The following NEGR1 variants were observed in gnomAD, a reference collection of about 807,000 sequenced individuals.
NEGR1 encodes IgLON family member 4.
In NEGR1, 10 loss-of-function variants were observed where a neutral mutation model predicts 40.9. The ratio of observed to expected loss-of-function variants is 0.24; its 90% CI spans 0.15 to 0.42. The LOEUF (loss-of-function observed/expected upper bound fraction) is 0.42, where lower values mean the gene tolerates loss of function less well. Ranked by LOEUF, NEGR1 falls within the 10% of genes least tolerant of loss-of-function variation. NEGR1 has a pLI of 1.00. For missense variants in NEGR1, 352 were observed against 438.9 expected (o/e 0.80, Z 1.77); for synonymous variants, 185 against 166.8 (o/e 1.11, Z -0.84).
intron 4 of NEGR1, among the ~76,000 whole-genome samples, chr1:71,629,984 T>C (rs1650919987): frequency 6.6e-6 from 1 of 151,950 alleles, no homozygotes; most frequent in African/African-American, 2.4e-5. Flanking sequence ...AATGAATAAA[T>C]TGTAATGAAA....
chr1:71,632,201 T>C (rs1650990956), intron 4 of NEGR1, among the ~76,000 whole-genome samples: 2 of 151,694 alleles, frequency 1.3e-5, no homozygotes. Flanking sequence ...TCCATATCAG[T>C]ATAATCTCTT....
At chr1:71,739,322 T>A (rs1655140083) in intron 3 of NEGR1, among the ~76,000 whole-genome samples, 1 of 152,062 alleles carries the variant, frequency 6.6e-6, no homozygotes, top group Admixed American at 6.6e-5. Context: ...TCCAGGTTCT[T>A]CAGCTTTGGG....
chr1:72,242,312 T>G (rs950108824), intron 1 of NEGR1, among the ~76,000 whole-genome samples: 9 of 151,618 alleles, frequency 5.9e-5, no homozygotes, highest in African/African-American at 2.2e-4. Flanking sequence ...TATAAAAAAT[T>G]TATTAAGTCA....
At chr1:72,036,366 G>T in intron 1 of NEGR1, among the ~76,000 whole-genome samples, 1 of 151,958 alleles carries the variant, frequency 6.6e-6, no homozygotes. Flanking sequence ...ACAATTAAAA[G>T]CCATATTGGC....
At chr1:71,645,627 A>G (rs72677174) in intron 4 of NEGR1, among the ~76,000 whole-genome samples, 8,479 of 151,950 alleles carry the variant, frequency 0.056, 342 homozygotes, top group Non-Finnish European at 0.08. Context: ...TATTAAGTAG[A>G]ACCATTTTTG....
chr1:71,934,998 C>A, intron 2 of NEGR1, 81 bp downstream of exon 2: 1 of 783,754 alleles, frequency 1.3e-6, no homozygotes, highest in Non-Finnish European at 2.1e-6. Flanking sequence ...TTGTTAACTG[C>A]TTCCTAGTCA....
intron 6 of NEGR1, among the ~76,000 whole-genome samples, chr1:71,424,245 C>A (rs766711811): frequency 5.9e-5 from 9 of 152,214 alleles, no homozygotes; most frequent in Non-Finnish European, 1.2e-4. Context: ...ATAAAATTAT[C>A]TTCACCTACA....
At chr1:71,956,932 C>T (rs181621310) in intron 1 of NEGR1, among the ~76,000 whole-genome samples, 3 of 152,224 alleles carry the variant, frequency 2.0e-5, no homozygotes, top group Admixed American at 1.3e-4. Flanking sequence ...GAAACTACTT[C>T]CCTGGGATGT....
chr1:71,882,496 T>C (rs1660609146), intron 2 of NEGR1, among the ~76,000 whole-genome samples: 1 of 152,086 alleles, frequency 6.6e-6, no homozygotes, highest in African/African-American at 2.4e-5. Flanking sequence ...AAAATTTATT[T>C]TTTCATTTAA....
chr1:71,637,259 C>A (rs1414216805), intron 4 of NEGR1, among the ~76,000 whole-genome samples: 1 of 151,920 alleles, frequency 6.6e-6, no homozygotes, highest in East Asian at 1.9e-4. Context: ...TTATTCAAAG[C>A]AAATATTCAT....
At chr1:71,748,703 T>C (rs536425665) in intron 3 of NEGR1, among the ~76,000 whole-genome samples, 1 of 152,062 alleles carries the variant, frequency 6.6e-6, no homozygotes, top group Admixed American at 6.5e-5. Context: ...TTGGAAAAAA[T>C]TTACCTAAGG....
At chr1:71,676,969 C>G (rs747381245) in intron 4 of NEGR1, among the ~76,000 whole-genome samples, 1 of 152,090 alleles carries the variant, frequency 6.6e-6, no homozygotes, top group Non-Finnish European at 1.5e-5. Context: ...TTGGGCTTTC[C>G]AATTAGACAT....
chr1:72,070,528 G>C (rs1457699423), intron 1 of NEGR1, among the ~76,000 whole-genome samples: 3 of 151,860 alleles, frequency 2.0e-5, no homozygotes, highest in Admixed American at 1.3e-4. Flanking sequence ...AAAAAATAGA[G>C]AGCTATATTT....
chr1:72,120,544 T>C (rs920338324), intron 1 of NEGR1, among the ~76,000 whole-genome samples: 16 of 151,920 alleles, frequency 1.1e-4, no homozygotes, highest in Admixed American at 3.9e-4. Flanking sequence ...AGTTTTAGGG[T>C]ACATGTGCAC....
In NEGR1 at chr1:72,232,625, C is replaced by T. The variant is rs114522817; in HGVS notation, c.176+49694G>A. On this transcript the variant is annotated intron_variant, in intron 1 of 6. Coordinates refer to ENST00000357731, the MANE Select transcript of NEGR1 (RefSeq NM_173808.3). ...TATTTTTTTTCTTTTAGTGTAATAG[C>T]AATCATTTTAATTGTATCATAGGGC... 5.2e-3 allele frequency among the ~76,000 whole-genome samples: 795 copies of T among 151,996 alleles called. 7 individuals are homozygous for T. Among genetic ancestry groups the T allele is most frequent in the African/African-American group, 0.017 (721 of 41,460 alleles).
chr1:71,994,512 A>G (rs1646485596), intron 1 of NEGR1, among the ~76,000 whole-genome samples: 1 of 150,942 alleles, frequency 6.6e-6, no homozygotes, highest in African/African-American at 2.5e-5. Context: ...TGGGCGACAG[A>G]GGGAGACTCT....
intron 4 of NEGR1, among the ~76,000 whole-genome samples, chr1:71,673,398 T>A (rs1490784321): frequency 6.6e-6 from 1 of 152,120 alleles, no homozygotes; most frequent in African/African-American, 2.4e-5. Context: ...GAAATATGTT[T>A]AATTCCTTTT....
intron 1 of NEGR1, among the ~76,000 whole-genome samples, chr1:72,062,253 C>T (rs1477732277): frequency 5.3e-5 from 8 of 151,794 alleles, no homozygotes; most frequent in Non-Finnish European, 1.2e-4. Flanking sequence ...AAGCACCTTT[C>T]TTCAATTGGT....
Position 71,512,924 on chromosome 1 carries a change from GA to G in NEGR1, c.940+79892del, listed in dbSNP as rs1483395488. Among the ~76,000 whole-genome samples the G allele has an allele frequency of 2.6e-5, 4 of 152,036 alleles. No homozygotes were observed. The East Asian group carries it at 7.7e-4, about 29-fold the overall frequency. Reference sequence around the variant, plus strand: ...AATGTGTAAATAAAATAAGCTATAGGAATAAGATACAGTGGAAAGTAATATA... The same window carrying G: ...AATGTGTAAATAAAATAAGCTATAGGATAAGATACAGTGGAAAGTAATATA... On this transcript the variant is annotated intron_variant, in intron 6 of 6. Transcript: ENST00000357731.
Sources: gnomAD v4.1 joint callset for allele counts (sites outside exome capture counted in the v4.1 genomes callset) on GRCh38, gnomAD v4.1.1 for gene constraint, MANE v1.5 for transcripts, NCBI Gene and HGNC (gene_info 2026-07-23, HGNC 2026-07-21) for gene names.